The following KCTD16 variants were observed in gnomAD, a reference collection of about 807,000 sequenced individuals.
The protein encoded by KCTD16 is BTB/POZ domain-containing protein KCTD16.
Under a neutral mutation model 33.2 loss-of-function variants are expected in KCTD16, and 13 were observed. The ratio of observed to expected loss-of-function variants is 0.39; its 90% CI spans 0.25 to 0.62. The LOEUF (loss-of-function observed/expected upper bound fraction) is 0.62. KCTD16 is among the 20% of genes least tolerant of loss of function. The pLI is 0.50. For missense variants in KCTD16, 441 were observed against 525.1 expected, an observed-to-expected ratio of 0.84 and a Z score of 1.57; for synonymous variants, 197 against 195.3, an observed-to-expected ratio of 1.01 and a Z score of -0.07.
intron 3 of KCTD16, among the ~76,000 whole-genome samples, chr5:144,247,942 A>T (rs79270304): frequency 6.6e-6 from 1 of 152,118 alleles, no homozygotes; most frequent in Non-Finnish European, 1.5e-5. Context: ...GCTATTTTCC[A>T]TGCTCAGTGA....
chr5:144,199,940 C>T (rs1439728716), intron 2 of KCTD16, among the ~76,000 whole-genome samples: 1 of 151,930 alleles, frequency 6.6e-6, no homozygotes, highest in Non-Finnish European at 1.5e-5. Context: ...GTCTCGATCT[C>T]CTGATCTCAT....
chr5:144,278,461 T>C (rs1023287726), intron 3 of KCTD16, among the ~76,000 whole-genome samples: 3 of 151,034 alleles, frequency 2.0e-5, no homozygotes, highest in African/African-American at 7.3e-5. Context: ...AAAATTGTTT[T>C]GACTATTTTT....
At chr5:144,324,137 C>T (rs1752144700) in intron 3 of KCTD16, among the ~76,000 whole-genome samples, 1 of 152,122 alleles carries the variant, frequency 6.6e-6, no homozygotes, top group African/African-American at 2.4e-5. Flanking sequence ...TCACAGGAAA[C>T]ACACTATCTT....
intron 3 of KCTD16, among the ~76,000 whole-genome samples, chr5:144,318,983 TA>T (rs1020708875): frequency 6.6e-6 from 1 of 152,110 alleles, no homozygotes; most frequent in African/African-American, 2.4e-5. Context: ...AAATTAGTAT[TA>T]AAAATAAGAT....
intron 3 of KCTD16, among the ~76,000 whole-genome samples, chr5:144,351,429 G>A (rs1751430451): frequency 6.6e-6 from 1 of 152,266 alleles, no homozygotes; most frequent in East Asian, 1.9e-4. Flanking sequence ...TGGGGAAAAG[G>A]AAACCCTTGC....
intron 1 of KCTD16, among the ~76,000 whole-genome samples, chr5:144,171,952 C>T (rs895264239): frequency 1.3e-5 from 2 of 152,144 alleles, no homozygotes; most frequent in East Asian, 3.8e-4. Context: ...AACTAATGAG[C>T]AGAACTTTCT....
chr5:144,323,897 G>A (rs1032538717), intron 3 of KCTD16, among the ~76,000 whole-genome samples: 1 of 152,152 alleles, frequency 6.6e-6, no homozygotes, highest in African/African-American at 2.4e-5. Flanking sequence ...AGATGTAGGA[G>A]CTGCTTCACT....
intron 2 of KCTD16, among the ~76,000 whole-genome samples, chr5:144,180,004 A>G (rs1446928715): frequency 6.6e-6 from 1 of 152,150 alleles, no homozygotes; most frequent in Non-Finnish European, 1.5e-5. Context: ...TGCCTGGAGA[A>G]ATGCTCCTGT....
At chr5:144,457,074 A>C (rs778955677) in intron 3 of KCTD16, among the ~76,000 whole-genome samples, 1 of 152,252 alleles carries the variant, frequency 6.6e-6, no homozygotes, top group Non-Finnish European at 1.5e-5. Context: ...GTAATGGAGA[A>C]GTGATAATCC....
At chr5:144,283,346 T>A (rs557782204) in intron 3 of KCTD16, among the ~76,000 whole-genome samples, 134 of 152,324 alleles carry the variant, frequency 8.8e-4, no homozygotes, top group South Asian at 1.0e-3. Flanking sequence ...TTATGCATGC[T>A]GTCTAACAGT....
chr5:144,214,976 T>C (rs1753514956), intron 3 of KCTD16, among the ~76,000 whole-genome samples: 1 of 152,182 alleles, frequency 6.6e-6, no homozygotes, highest in South Asian at 2.1e-4. Context: ...ACTGCAATAT[T>C]CTGTTTTGGT....
intron 3 of KCTD16, among the ~76,000 whole-genome samples, chr5:144,246,323 A>C (rs1754548427): frequency 6.6e-6 from 1 of 152,180 alleles, no homozygotes; most frequent in Non-Finnish European, 1.5e-5. Flanking sequence ...TTATCAGGCT[A>C]TGTCCATTTG....
chr5:144,303,190 A>G (rs899538596), intron 3 of KCTD16, among the ~76,000 whole-genome samples: 41 of 152,174 alleles, frequency 2.7e-4, no homozygotes, highest in Admixed American at 9.8e-4. Context: ...TTTTCTTTAC[A>G]CAGTAGGGTG....
At chr5:144,277,910 AT>A (rs1354479438) in intron 3 of KCTD16, among the ~76,000 whole-genome samples, 1 of 152,232 alleles carries the variant, frequency 6.6e-6, no homozygotes, top group Non-Finnish European at 1.5e-5. Context: ...ATTTAAAAAA[AT>A]ATATATTCAG....
intron 3 of KCTD16, among the ~76,000 whole-genome samples, chr5:144,347,348 A>G (rs900402398): frequency 6.6e-5 from 10 of 152,342 alleles, no homozygotes; most frequent in African/African-American, 2.4e-4. Flanking sequence ...TAATCCCAGC[A>G]CTTTGGGAGG....
chr5:144,239,100 TAG>T (rs1054839068), intron 3 of KCTD16, among the ~76,000 whole-genome samples: 3 of 152,172 alleles, frequency 2.0e-5, no homozygotes, highest in African/African-American at 7.2e-5. Flanking sequence ...TTAGCAAGTC[TAG>T]ACCTCAGTTG....
At chr5:144,377,829 TA>T (rs1752126477) in intron 3 of KCTD16, 1 of 152,170 alleles carries the variant, frequency 6.6e-6, no homozygotes, top group South Asian at 2.1e-4. Context: ...CCACATCTGG[TA>T]AACCTCCCTT....
At chr5:144,176,117 T>C (rs1356474244) in intron 2 of KCTD16, among the ~76,000 whole-genome samples, 1 of 152,168 alleles carries the variant, frequency 6.6e-6, no homozygotes, top group Non-Finnish European at 1.5e-5. Flanking sequence ...ACCGCCTATA[T>C]TTAGGGCAAT....
chr5:144,451,300 A>T (rs941576743), intron 3 of KCTD16, among the ~76,000 whole-genome samples: 1 of 152,090 alleles, frequency 6.6e-6, no homozygotes, highest in Non-Finnish European at 1.5e-5. Flanking sequence ...AGTTATTTTT[A>T]TTCTCAATCT....
Sources: gnomAD v4.1 joint callset for allele counts (sites outside exome capture counted in the v4.1 genomes callset) on GRCh38, gnomAD v4.1.1 for gene constraint, MANE v1.5 for transcripts, NCBI Gene and HGNC (gene_info 2026-07-23, HGNC 2026-07-21) for gene names.